The following CNTLN variants were observed in gnomAD, a reference collection of about 807,000 sequenced individuals.
The protein encoded by CNTLN is centlein, also known as centlein, centrosomal protein.
CNTLN carries 212 observed loss-of-function variants against 180.0 expected under a neutral mutation model. The observed-to-expected ratio is 1.18, with a 90% CI of 1.05 to 1.32. The LOEUF (loss-of-function observed/expected upper bound fraction) is 1.32. CNTLN is among the 40% of genes most tolerant of loss of function. CNTLN has a pLI of 0.00. For missense variants in CNTLN, 2,095 were observed against 1,610.9 expected (o/e 1.30, Z -5.14); for synonymous variants, 722 against 563.1 (o/e 1.28, Z -3.99).
At chr9:17,312,945 T>C (rs1490160369) in intron 8 of CNTLN, among the ~76,000 whole-genome samples, 1 of 152,212 alleles carries the variant, frequency 6.6e-6, no homozygotes, top group East Asian at 1.9e-4. Context: ...TAATTGTAGA[T>C]TTTTGTTTCT....
intron 13 of CNTLN, among the ~76,000 whole-genome samples, chr9:17,377,597 CA>C (rs1326784998): frequency 6.6e-6 from 1 of 151,908 alleles, no homozygotes; most frequent in Non-Finnish European, 1.5e-5. Context: ...GCATTTTTTT[CA>C]AGAAGGAATG....
chr9:17,295,991 AGAGAGAGTGTGTGTGTGTGTGTGTGT>A (rs1817889917), intron 6 of CNTLN, among the ~76,000 whole-genome samples: 1 of 76,614 alleles, frequency 1.3e-5, no homozygotes, highest in African/African-American at 8.7e-5. Flanking sequence ...AGAGAGAGAG[AGAGAGAGTGTGTGTGTGTGTGTGTGT>A]GTGTGTGTGT....
At chr9:17,168,693 C>A (rs2131634282) in intron 2 of CNTLN, 1 of 152,252 alleles carries the variant, frequency 6.6e-6, no homozygotes, top group Admixed American at 6.5e-5. Flanking sequence ...TGTATAGCAA[C>A]ATTTATTAAC....
intron 8 of CNTLN, among the ~76,000 whole-genome samples, chr9:17,316,830 G>T (rs565905636): frequency 6.6e-6 from 1 of 151,850 alleles, no homozygotes; most frequent in African/African-American, 2.4e-5. Flanking sequence ...TACCCTGGGG[G>T]GGATTATAAC....
Position 17,502,887 on chromosome 9 carries a change from A to C in CNTLN, c.*235A>C, listed in dbSNP as rs147405918. 2.9e-3 allele frequency: 666 copies of C among 231,802 alleles called. 4 individuals carry two copies. The highest frequency in any genetic ancestry group is 0.014 in the African/African-American group (637 of 44,388). 14.4% of individuals were successfully genotyped at this position (231,802 alleles called of 1,614,324 possible). On this transcript the variant is annotated 3_prime_UTR_variant, in exon 26 of 26. Coordinates refer to ENST00000380647, the MANE Select transcript of CNTLN (RefSeq NM_017738.4). ...ATGGTCGAATACAAATATTGCCACA[A>C]ATCAGTGCAAACTTAAAAATGATTT...
intron 5 of CNTLN, among the ~76,000 whole-genome samples, chr9:17,261,114 G>C (rs1826938799): frequency 6.6e-6 from 1 of 151,424 alleles, no homozygotes; most frequent in Admixed American, 6.6e-5. Flanking sequence ...ATAATGTGAT[G>C]CATCTGGCTT....
At chr9:17,372,778 C>G (rs1212432642) in intron 13 of CNTLN, among the ~76,000 whole-genome samples, 1 of 152,128 alleles carries the variant, frequency 6.6e-6, no homozygotes, top group Non-Finnish European at 1.5e-5. Context: ...AATTAGTCAT[C>G]ATGACCAGGT....
Position 17,328,626 on chromosome 9 carries a change from C to T in CNTLN, c.1342-2006C>T, listed in dbSNP as rs141180024. ...GATAAAAGGCAAGAGAGAGACAAAC[C>T]AGACTTAAAGAAAATGGGAACATGA... On this transcript the variant is annotated intron_variant, in intron 8 of 25. Coordinates refer to ENST00000380647, the MANE Select transcript of CNTLN (RefSeq NM_017738.4). Among the ~76,000 whole-genome samples the T allele has an allele frequency of 1.6e-3, 238 of 152,216 alleles. 2 individuals are homozygous for T. Among genetic ancestry groups the T allele is most frequent in the African/African-American group, 5.6e-3 (232 of 41,570 alleles).
intron 2 of CNTLN, among the ~76,000 whole-genome samples, chr9:17,180,310 G>T (rs1489568684): frequency 2.8e-5 from 4 of 144,430 alleles, no homozygotes; most frequent in Non-Finnish European, 4.5e-5. Flanking sequence ...GGTTTTGGTG[G>T]TATCTCTTTG....
chr9:17,220,788 A>G (rs750718560), intron 2 of CNTLN, among the ~76,000 whole-genome samples: 2 of 151,950 alleles, frequency 1.3e-5, no homozygotes, highest in Non-Finnish European at 2.9e-5. Context: ...GTTCTTTTTT[A>G]TAGCTTTGTA....
chr9:17,518,982 G>A, the CNTLN span, among the ~76,000 whole-genome samples: 1 of 152,132 alleles, frequency 6.6e-6, no homozygotes, highest in Non-Finnish European at 1.5e-5. Context: ...TGAGTACAGT[G>A]GTACGATCAT....
chr9:17,495,022 G>T (rs1331935712), intron 25 of CNTLN: 3 of 415,346 alleles, frequency 7.2e-6, no homozygotes, highest in Non-Finnish European at 1.4e-5. Flanking sequence ...GGGACTACAG[G>T]TGCGTGCCAC....
intron 4 of CNTLN, 24 bp from the exon 5 acceptor site, chr9:17,236,385 T>TG (rs778460242): frequency 1.3e-6 from 2 of 1,524,734 alleles, no homozygotes; most frequent in African/African-American, 2.8e-5. Flanking sequence ...TTTATTTATT[T>TG]GCCCTTGTGG....
chr9:17,348,993 A>G (rs1033346690), intron 12 of CNTLN, among the ~76,000 whole-genome samples: 4 of 151,056 alleles, frequency 2.6e-5, no homozygotes, highest in African/African-American at 7.3e-5. Context: ...TCCTTGAAGC[A>G]TTTTTTGTTT....
At chr9:17,460,229 A>G (rs1831374401) in intron 19 of CNTLN, among the ~76,000 whole-genome samples, 1 of 151,698 alleles carries the variant, frequency 6.6e-6, no homozygotes, top group African/African-American at 2.4e-5. Flanking sequence ...TAGAGCCGAG[A>G]TGAGAACTCA....
intron 16 of CNTLN, among the ~76,000 whole-genome samples, chr9:17,411,880 A>T (rs763190241): frequency 6.6e-6 from 1 of 151,944 alleles, no homozygotes; most frequent in Admixed American, 6.6e-5. Context: ...CCTCCTTTCC[A>T]TGTCATTGGA....
chr9:17,156,486 C>T (rs1289291581), intron 2 of CNTLN, among the ~76,000 whole-genome samples: 2 of 151,862 alleles, frequency 1.3e-5, no homozygotes, highest in Non-Finnish European at 2.9e-5. Flanking sequence ...TCATTTTTTT[C>T]CTCTTCCATC....
intron 8 of CNTLN, among the ~76,000 whole-genome samples, chr9:17,330,107 A>C (rs952929880): frequency 2.0e-5 from 3 of 152,044 alleles, no homozygotes; most frequent in South Asian, 2.1e-4. Context: ...AACATGAATA[A>C]ATTTCAAAGG....
At chr9:17,278,486 T>A (rs1381465596) in intron 6 of CNTLN, among the ~76,000 whole-genome samples, 1 of 152,074 alleles carries the variant, frequency 6.6e-6, no homozygotes, top group Non-Finnish European at 1.5e-5. Flanking sequence ...TACCTCTGTG[T>A]CTTTCCTCAA....
Sources: gnomAD v4.1 joint callset for allele counts (sites outside exome capture counted in the v4.1 genomes callset) on GRCh38, gnomAD v4.1.1 for gene constraint, MANE v1.5 for transcripts, NCBI Gene and HGNC (gene_info 2026-07-23, HGNC 2026-07-21) for gene names.